The following KCNMB2 variants were observed in gnomAD, a reference collection of about 807,000 sequenced individuals.
The protein encoded by KCNMB2 is potassium calcium-activated channel subfamily M regulatory beta subunit 2.
A neutral mutation model predicts 24.5 loss-of-function variants in KCNMB2; 9 were observed. That is an observed-to-expected ratio of 0.37 (90% confidence interval 0.22 to 0.64). KCNMB2 has a LOEUF of 0.64. Ranked by LOEUF, KCNMB2 falls within the 30% of genes least tolerant of loss-of-function variation. The probability of loss-of-function intolerance (pLI) is 0.63; values close to 1 mark genes in which losing one functional copy is unlikely to be tolerated. For synonymous variants in KCNMB2, 109 were observed against 104.4 expected (o/e 1.04, Z -0.27); for missense variants, 226 against 284.3 (o/e 0.79, Z 1.47).
At chr3:178,599,752 C>T (rs1040704971) in intron 1 of KCNMB2, among the ~76,000 whole-genome samples, 2 of 152,198 alleles carry the variant, frequency 1.3e-5, no homozygotes, top group Non-Finnish European at 2.9e-5. Flanking sequence ...CCATGAAACA[C>T]ACAACTCGTT....
chr3:178,588,690 T>C (rs1467487033), intron 1 of KCNMB2, among the ~76,000 whole-genome samples: 2 of 152,148 alleles, frequency 1.3e-5, no homozygotes, highest in Admixed American at 6.5e-5. Flanking sequence ...CATGTATACA[T>C]ATACGTGTAT....
chr3:178,618,935 G>A (rs1237119800), intron 1 of KCNMB2, among the ~76,000 whole-genome samples: 1 of 152,120 alleles, frequency 6.6e-6, no homozygotes, highest in Non-Finnish European at 1.5e-5. Flanking sequence ...AAAAAAATTG[G>A]GACTAGGGAA....
At chr3:178,607,519 G>T (rs563475035) in intron 1 of KCNMB2, among the ~76,000 whole-genome samples, 2 of 152,150 alleles carry the variant, frequency 1.3e-5, no homozygotes, top group East Asian at 3.9e-4. Context: ...TGTAATGTAG[G>T]CATTGTATCT....
At chr3:178,747,471 T>G (rs1723709608) in intron 1 of KCNMB2, among the ~76,000 whole-genome samples, 1 of 152,224 alleles carries the variant, frequency 6.6e-6, no homozygotes, top group Non-Finnish European at 1.5e-5. Flanking sequence ...TTATCATGTA[T>G]TAATTAAAAT....
intron 1 of KCNMB2, among the ~76,000 whole-genome samples, chr3:178,753,766 T>C (rs921662794): frequency 7.2e-5 from 11 of 152,152 alleles, no homozygotes; most frequent in Non-Finnish European, 1.6e-4. Flanking sequence ...AACATATTCA[T>C]TACCTCACAT....
intron 1 of KCNMB2, among the ~76,000 whole-genome samples, chr3:178,772,679 A>T (rs1712422365): frequency 6.6e-6 from 1 of 152,240 alleles, no homozygotes; most frequent in Non-Finnish European, 1.5e-5. Flanking sequence ...TCTGTTTCAT[A>T]CACTGCTAAA....
At chr3:178,602,098 C>T (rs754213931) in intron 1 of KCNMB2, among the ~76,000 whole-genome samples, 4 of 152,130 alleles carry the variant, frequency 2.6e-5, no homozygotes, top group Admixed American at 1.3e-4. Flanking sequence ...GGATAATACC[C>T]TAATATCACC....
intron 1 of KCNMB2, among the ~76,000 whole-genome samples, chr3:178,570,514 CCTTTTTTTTTTTTTT>C (rs1716735455): frequency 9.9e-6 from 1 of 100,950 alleles, no homozygotes; most frequent in Admixed American, 1.1e-4. Flanking sequence ...GGTAATGATA[CCTTTTTTTTTTTTTT>C]TTTTTTTTTT....
At chr3:178,661,934 C>A (rs1190130623) in intron 1 of KCNMB2, among the ~76,000 whole-genome samples, 2 of 152,012 alleles carry the variant, frequency 1.3e-5, no homozygotes, top group Non-Finnish European at 2.9e-5. Context: ...CTGTTATTAT[C>A]CCATTTTACA....
At chr3:178,542,085 C>A (rs1458967572) in intron 1 of KCNMB2, among the ~76,000 whole-genome samples, 1 of 152,178 alleles carries the variant, frequency 6.6e-6, no homozygotes, top group Non-Finnish European at 1.5e-5. Context: ...GGACCCCTTC[C>A]CCTCCCTTGT....
intron 1 of KCNMB2, chr3:178,757,264 G>C (rs1161965129): frequency 1.5e-5 from 2 of 137,156 alleles, no homozygotes; most frequent in Non-Finnish European, 3.1e-5. Context: ...ATATACACGT[G>C]TGTGTGTGTA....
intron 1 of KCNMB2, among the ~76,000 whole-genome samples, chr3:178,763,784 G>T (rs954462901): frequency 1.3e-5 from 2 of 152,122 alleles, no homozygotes; most frequent in Admixed American, 6.5e-5. Context: ...CTTTTTGGAA[G>T]TAGAAAACCA....
chr3:178,630,195 A>G (rs1385632320), intron 1 of KCNMB2, among the ~76,000 whole-genome samples: 1 of 152,218 alleles, frequency 6.6e-6, no homozygotes, highest in Non-Finnish European at 1.5e-5. Context: ...CACCAAGACC[A>G]TGACAAGAAA....
chr3:178,616,371 C>T (rs1052619788), intron 1 of KCNMB2, among the ~76,000 whole-genome samples: 20 of 152,180 alleles, frequency 1.3e-4, no homozygotes, highest in African/African-American at 4.6e-4. Flanking sequence ...AAATGGTGCT[C>T]TGGCTAGGGC....
At chr3:178,748,309 T>C (rs1394844514) in intron 1 of KCNMB2, 1 of 152,216 alleles carries the variant, frequency 6.6e-6, no homozygotes, top group Non-Finnish European at 1.5e-5. Flanking sequence ...TTTGTTCTAA[T>C]AAACATTTTC....
chr3:178,797,592 A>C (rs1713601330), intron 1 of KCNMB2, among the ~76,000 whole-genome samples: 1 of 152,232 alleles, frequency 6.6e-6, no homozygotes, highest in African/African-American at 2.4e-5. Context: ...AATCAATGTG[A>C]TACATCGTAT....
At chr3:178,677,055 G>A (rs567477423) in intron 1 of KCNMB2, among the ~76,000 whole-genome samples, 25 of 152,134 alleles carry the variant, frequency 1.6e-4, no homozygotes, top group Non-Finnish European at 3.1e-4. Flanking sequence ...TCACCACAGC[G>A]AAAGAGAGAA....
chr3:178,817,218 T>TATATATATATATATATATATATACAC lies in KCNMB2; in HGVS notation c.57-8361_57-8360insTATATATATATATACACATATATATA, dbSNP rs147866886. ...GACAAAATCCTTCATGTTAATGACA[T>TATATATATATATATATATATATACAC]ATATATATAAATGAAGTGTGACTGT... On this transcript the variant is annotated intron_variant, in intron 2 of 4. Coordinates refer to ENST00000452583, the MANE Select transcript of KCNMB2 (RefSeq NM_181361.3). 1.5e-4 allele frequency among the ~76,000 whole-genome samples: 20 copies of TATATATATATATATATATATATACAC among 134,964 alleles called. 1 individual carries two copies. The highest frequency in any genetic ancestry group is 8.2e-4 in the Admixed American group (11 of 13,476). The allele number at this position is 134,964 out of a possible 152,430, so 88.5% of individuals were successfully genotyped here. A position where few individuals can be genotyped will look rare whatever the true frequency, so the allele number is the denominator to read the frequency against.
At chr3:178,555,348 A>G (rs1019320812) in intron 1 of KCNMB2, among the ~76,000 whole-genome samples, 1 of 152,230 alleles carries the variant, frequency 6.6e-6, no homozygotes, top group African/African-American at 2.4e-5. Flanking sequence ...TGAAGTTAAG[A>G]GCGTGGGCTT....
Sources: allele counts gnomAD v4.1 joint callset (sites outside exome capture counted in the v4.1 genomes callset), GRCh38; gene constraint gnomAD v4.1.1; transcripts MANE v1.5; gene names NCBI Gene and HGNC (gene_info 2026-07-23, HGNC 2026-07-21).